PRELID2: variants seen among roughly 807,000 people sequenced by gnomAD.
The protein encoded by PRELID2 is PRELI domain containing 2, also known as PRELI domain-containing protein 2.
A neutral mutation model predicts 28.4 loss-of-function variants in PRELID2; 25 were observed. The ratio of observed to expected loss-of-function variants is 0.88; its 90% confidence interval spans 0.64 to 1.23. The LOEUF (loss-of-function observed/expected upper bound fraction) is 1.23, where lower values mean the gene tolerates loss of function less well. Ranked by LOEUF, PRELID2 falls within the 50% of genes most tolerant of loss-of-function variation. The pLI is 0.00. For missense variants in PRELID2, 201 were observed against 214.4 expected (o/e 0.94, Z 0.39); for synonymous variants, 76 against 71.6 (o/e 1.06, Z -0.31).
At chr5:145,410,643 T>A in the PRELID2 span, among the ~76,000 whole-genome samples, 4 of 152,060 alleles carry the variant, frequency 2.6e-5, no homozygotes, top group Non-Finnish European at 5.9e-5. Flanking sequence ...CTCACTATCA[T>A]AAGAACAGCA....
chr5:145,635,617 C>T (rs73313747), intron 1 of PRELID2, among the ~76,000 whole-genome samples: 23,007 of 152,154 alleles, frequency 0.15, 2,977 homozygotes, highest in African/African-American at 0.34. Context: ...CCTGAGCTCT[C>T]GCCTCTAACA....
chr5:145,673,593 C>A (rs917641845), intron 1 of PRELID2, among the ~76,000 whole-genome samples: 2 of 152,008 alleles, frequency 1.3e-5, no homozygotes, highest in African/African-American at 4.8e-5. Context: ...CAACTGAGAT[C>A]AAAGCTCTCA....
intron 1 of PRELID2, among the ~76,000 whole-genome samples, chr5:145,515,451 C>A (rs112374396): frequency 0.012 from 1,794 of 152,172 alleles, 27 homozygotes; most frequent in African/African-American, 0.041. Context: ...AGGAAAAAGT[C>A]AAATCCCTGA....
chr5:145,584,732 G>A (rs1753137493), intron 1 of PRELID2, among the ~76,000 whole-genome samples: 1 of 152,098 alleles, frequency 6.6e-6, no homozygotes, highest in South Asian at 2.1e-4. Flanking sequence ...ACTACAATGA[G>A]ATACCATCTC....
chr5:145,606,988 G>A (rs1021212698), intron 1 of PRELID2, among the ~76,000 whole-genome samples: 5 of 152,096 alleles, frequency 3.3e-5, no homozygotes, highest in Non-Finnish European at 7.4e-5. Context: ...TATGATTCCA[G>A]GAATGTACCA....
At chr5:145,714,062 T>C (rs1255306154) in intron 1 of PRELID2, among the ~76,000 whole-genome samples, 1 of 151,976 alleles carries the variant, frequency 6.6e-6, no homozygotes, top group Non-Finnish European at 1.5e-5. Flanking sequence ...AGAACTGAAC[T>C]GAGCTCCTGA....
intron 1 of PRELID2, among the ~76,000 whole-genome samples, chr5:145,498,786 T>C (rs1169892600): frequency 2.6e-5 from 4 of 151,860 alleles, no homozygotes; most frequent in Admixed American, 2.0e-4. Context: ...CCTCAAGTGA[T>C]CTGCTGGTCT....
At chr5:145,313,192 A>G in the PRELID2 span, among the ~76,000 whole-genome samples, 1 of 152,316 alleles carries the variant, frequency 6.6e-6, no homozygotes, top group African/African-American at 2.4e-5. Context: ...TATATAAGGT[A>G]ACAAATTAAT....
At chr5:145,714,588 G>A (rs1198989367) in intron 1 of PRELID2, among the ~76,000 whole-genome samples, 2 of 151,994 alleles carry the variant, frequency 1.3e-5, no homozygotes, top group East Asian at 3.9e-4. Context: ...TTCCTATTAA[G>A]TGCTAAGTAA....
intron 1 of PRELID2, among the ~76,000 whole-genome samples, chr5:145,478,655 CAT>C (rs1752129477): frequency 6.6e-6 from 1 of 152,160 alleles, no homozygotes; most frequent in Admixed American, 6.5e-5. Context: ...CTGAATAAAA[CAT>C]ATTATTGAAA....
chr5:145,481,650 A>AAAAAAAAAAAAAAAAAG (rs1752162758), intron 1 of PRELID2, among the ~76,000 whole-genome samples: 5 of 117,854 alleles, frequency 4.2e-5, no homozygotes, highest in East Asian at 4.4e-4. Context: ...AAAAAAAAAA[A>AAAAAAAAAAAAAAAAAG]AAAGAAAGAA....
chr5:145,453,389 T>C, the PRELID2 span, among the ~76,000 whole-genome samples: 163 of 152,306 alleles, frequency 1.1e-3, no homozygotes, highest in African/African-American at 3.6e-3. Context: ...AGCATCTGTT[T>C]ATCTCAAAAG....
chr5:145,508,043 C>G lies in PRELID2; in HGVS notation n.71-34728G>C, dbSNP rs548818740. On this transcript the variant is annotated intron_variant and non_coding_transcript_variant, in intron 1 of 2. Transcript: ENST00000510259. ...TAACTTTGCATTAGTATTGTCCTCCCATGTTCATAAAGATTACCAAAATTT... is the reference window on the plus strand; with the variant it reads ...TAACTTTGCATTAGTATTGTCCTCCGATGTTCATAAAGATTACCAAAATTT... Among the ~76,000 whole-genome samples the G allele has an allele frequency of 2.0e-5, 3 of 152,148 alleles. No individual in the cohort carries two copies. The South Asian group carries it at 6.2e-4, about 32-fold the overall frequency.
At chr5:145,266,711 G>T in the PRELID2 span, among the ~76,000 whole-genome samples, 10 of 152,080 alleles carry the variant, frequency 6.6e-5, no homozygotes, top group African/African-American at 2.4e-4. Flanking sequence ...AGGAAAATAA[G>T]TCATTATATG....
intron 1 of PRELID2, among the ~76,000 whole-genome samples, chr5:145,830,153 AC>A (rs1755487347): frequency 6.6e-6 from 1 of 152,242 alleles, no homozygotes; most frequent in South Asian, 2.1e-4. Context: ...TTTGCTGAGT[AC>A]CTACTATGTT....
At chr5:145,623,282 T>G (rs755986317) in intron 1 of PRELID2, among the ~76,000 whole-genome samples, 1 of 151,760 alleles carries the variant, frequency 6.6e-6, no homozygotes, top group South Asian at 2.1e-4. Context: ...ACCCCGTCTC[T>G]ACTAAAAATA....
intron 1 of PRELID2, among the ~76,000 whole-genome samples, chr5:145,748,194 A>T (rs113417554): frequency 0.024 from 3,640 of 152,272 alleles, 138 homozygotes; most frequent in African/African-American, 0.083. Context: ...AGCGTATTCA[A>T]ATAGGAAGAG....
chr5:145,241,496 C>A, the PRELID2 span, among the ~76,000 whole-genome samples: 1 of 152,032 alleles, frequency 6.6e-6, no homozygotes. Context: ...TAGCACTCAG[C>A]CTTTCTTGAC....
In PRELID2 at chr5:145,817,198, A is replaced by AAAAT. The variant is rs1365517052; in HGVS notation, c.368+695_368+696insATTT. 6.1e-4 allele frequency among the ~76,000 whole-genome samples: 43 copies of AAAAT among 70,016 alleles called. 1 individual carries two copies. The highest frequency in any genetic ancestry group is 0.011 in the Middle Eastern group (1 of 92). 45.9% of individuals were successfully genotyped at this position (70,016 alleles called of 152,430 possible). A position where few individuals can be genotyped will look rare whatever the true frequency, so the allele number is the denominator to read the frequency against. The stretch of plus-strand genomic sequence containing the variant: ...AGAGCAAGACTGCATTTCAAAAAAA[A>AAAAT]ATAAATAAATAAATAAAAAAAAATA... On this transcript the variant is annotated intron_variant, in intron 4 of 6. Coordinates refer to ENST00000683046, the MANE Select transcript of PRELID2 (RefSeq NM_205846.3).
Sources: gnomAD v4.1 joint callset for allele counts (sites outside exome capture counted in the v4.1 genomes callset) on GRCh38, gnomAD v4.1.1 for gene constraint, MANE v1.5 for transcripts, NCBI Gene and HGNC (gene_info 2026-07-23, HGNC 2026-07-21) for gene names.